Variants in OR51B5 observed in about 807,000 individuals in gnomAD.
The protein encoded by OR51B5 is olfactory receptor family 51 subfamily B member 5, also known as olfactory receptor 51B5.
For missense variants in OR51B5, 456 were observed against 374.6 expected, an observed-to-expected ratio of 1.22 and a Z score of -1.79; for synonymous variants, 186 against 144.8, an observed-to-expected ratio of 1.28 and a Z score of -2.04.
chr11:5,490,980 T>G (rs1245937865), intron 1 of OR51B5, among the ~76,000 whole-genome samples: 2 of 152,256 alleles, frequency 1.3e-5, no homozygotes, highest in African/African-American at 4.8e-5. Context: ...TTTATTTGCT[T>G]TTGAATTGAT....
intron 1 of OR51B5, among the ~76,000 whole-genome samples, chr11:5,485,904 C>G (rs1238523034): frequency 6.6e-6 from 1 of 152,038 alleles, no homozygotes; most frequent in Non-Finnish European, 1.5e-5. Context: ...ATGATAAGAT[C>G]TTTAAAGATG....
chr11:5,450,075 A>G (rs1850820572), intron 1 of OR51B5, among the ~76,000 whole-genome samples: 1 of 152,128 alleles, frequency 6.6e-6, no homozygotes, highest in African/African-American at 2.4e-5. Flanking sequence ...GCCATAAAGG[A>G]TCTCAGAGAA....
intron 1 of OR51B5, among the ~76,000 whole-genome samples, chr11:5,363,374 A>G (rs549399875): frequency 4.0e-4 from 57 of 143,086 alleles, no homozygotes; most frequent in Admixed American, 1.5e-3. Context: ...TTTTTACTTC[A>G]AGCTATGGTG....
At chr11:5,438,842 CA>C (rs1376790346) in intron 1 of OR51B5, among the ~76,000 whole-genome samples, 1 of 152,082 alleles carries the variant, frequency 6.6e-6, no homozygotes, top group Non-Finnish European at 1.5e-5. Flanking sequence ...AAACTTTTAA[CA>C]ATGGAGCAAA....
intron 1 of OR51B5, among the ~76,000 whole-genome samples, chr11:5,479,144 C>G (rs1447298503): frequency 6.7e-6 from 1 of 148,902 alleles, no homozygotes; most frequent in African/African-American, 2.5e-5. Context: ...GGAAGCCCAT[C>G]AGACTAACAG....
intron 1 of OR51B5, among the ~76,000 whole-genome samples, chr11:5,442,212 T>C (rs1850699647): frequency 6.6e-6 from 1 of 152,166 alleles, no homozygotes; most frequent in Non-Finnish European, 1.5e-5. Flanking sequence ...AACTGCAACC[T>C]TTAATAAATT....
chr11:5,456,353 A>G (rs568489107), intron 1 of OR51B5: 1 of 152,186 alleles, frequency 6.6e-6, no homozygotes, highest in Non-Finnish European at 1.5e-5. Flanking sequence ...GCACATTTAT[A>G]TTTTTCCCTC....
chr11:5,430,810 C>T (rs1322266220), intron 1 of OR51B5: 3 of 457,302 alleles, frequency 6.6e-6, no homozygotes, highest in Middle Eastern at 3.2e-4. Context: ...TTTGGCAGCA[C>T]GATGCATCAC....
chr11:5,362,182 G>A (rs1849294651), intron 1 of OR51B5, among the ~76,000 whole-genome samples: 1 of 152,170 alleles, frequency 6.6e-6, no homozygotes, highest in African/African-American at 2.4e-5. Flanking sequence ...TGCAGATTTT[G>A]AAGATCTCAA....
rs370964059 is a variant in OR51B5, at chr11:5,483,514, A to AAAAAGAAAAG, written n.84+22045_84+22054dup. Among the ~76,000 whole-genome samples the AAAAAGAAAAG allele has an allele frequency of 2.3e-3, 321 of 141,000 alleles. 3 individuals are homozygous for AAAAAGAAAAG. Among genetic ancestry groups the AAAAAGAAAAG allele is most frequent in the African/African-American group, 8.3e-3 (307 of 37,032 alleles). 92.5% of individuals were successfully genotyped at this position (141,000 alleles called of 152,430 possible). ...CTAAAACTTAAAGTATAATTAAAAA[A>AAAAAGAAAAG]AAAAGAAAAGAAAAGAAAAGAAAGA... On this transcript the variant is annotated intron_variant and non_coding_transcript_variant, in intron 1 of 4. Transcript: ENST00000415970.
intron 1 of OR51B5, among the ~76,000 whole-genome samples, chr11:5,437,801 T>C (rs1850612441): frequency 6.6e-6 from 1 of 152,204 alleles, no homozygotes; most frequent in South Asian, 2.1e-4. Context: ...CACCTGAACT[T>C]CCCATTAAAT....
chr11:5,483,390 G>C lies in OR51B5; in HGVS notation n.84+22179C>G, dbSNP rs567398905. On this transcript the variant is annotated intron_variant and non_coding_transcript_variant, in intron 1 of 4. Transcript: ENST00000415970. ...GGGGAGGGGGGAGGGATAGCATTGG[G>C]AGATATACCTAACGCTAGATGACGA... 7.9e-3 allele frequency among the ~76,000 whole-genome samples: 1,118 copies of C among 141,214 alleles called. 18 individuals are homozygous for C. Among genetic ancestry groups the C allele is most frequent in the Middle Eastern group, 0.018 (5 of 276 alleles). 92.6% of individuals were successfully genotyped at this position (141,214 alleles called of 152,430 possible). A position where few individuals can be genotyped will look rare whatever the true frequency, so the allele number is the denominator to read the frequency against.
intron 1 of OR51B5, chr11:5,352,598 A>G (rs1320943718): frequency 1.7e-6 from 1 of 606,006 alleles, no homozygotes; most frequent in East Asian, 2.7e-5. Context: ...TGCTACTTAG[A>G]ACATTATTTT....
chr11:5,495,117 A>G (rs1322506978), intron 1 of OR51B5, among the ~76,000 whole-genome samples: 1 of 152,208 alleles, frequency 6.6e-6, no homozygotes, highest in African/African-American at 2.4e-5. Context: ...TGGAGTCCAG[A>G]TGAGAGGTTC....
chr11:5,428,177 A>G (rs947043217), intron 1 of OR51B5, among the ~76,000 whole-genome samples: 2 of 152,198 alleles, frequency 1.3e-5, no homozygotes, highest in Non-Finnish European at 2.9e-5. Flanking sequence ...TCATAAAAAA[A>G]TTAAATATCA....
At chr11:5,453,720 C>T (rs1447928038) in intron 1 of OR51B5, 2 of 1,614,108 alleles carry the variant, frequency 1.2e-6, no homozygotes, top group Non-Finnish European at 8.5e-7. Flanking sequence ...CATGGCCACA[C>T]TGCCCACTGT....
In OR51B5 at chr11:5,398,042, G is replaced by A. The variant is rs369697630; in HGVS notation, n.85-51132C>T. ...CAGGAAGGGGAACATCACACACCGGGGCCTGTTGTGGGGTGGGAGGAGGGG... is the reference window on the plus strand; with the variant it reads ...CAGGAAGGGGAACATCACACACCGGAGCCTGTTGTGGGGTGGGAGGAGGGG... On this transcript the variant is annotated intron_variant and non_coding_transcript_variant, in intron 1 of 4. Coordinates refer to the OR51B5 transcript ENST00000415970. Among the ~76,000 whole-genome samples, 3 of 152,160 alleles carry A rather than the reference G, an allele frequency of 2.0e-5. No homozygotes were observed. The East Asian group carries it at 5.8e-4, about 29-fold the overall frequency.
intron 1 of OR51B5, among the ~76,000 whole-genome samples, chr11:5,502,780 G>A (rs1846314794): frequency 6.6e-6 from 1 of 152,148 alleles, no homozygotes; most frequent in African/African-American, 2.4e-5. Context: ...AGAAATAAAT[G>A]AATATATGCA....
At chr11:5,440,477 C>G (rs929382104) in intron 1 of OR51B5, 9 of 789,294 alleles carry the variant, frequency 1.1e-5, no homozygotes, top group South Asian at 6.9e-5. Flanking sequence ...TATCAAGATC[C>G]TGGGTCCTCT....
Sources: gnomAD v4.1 joint callset for allele counts (sites outside exome capture counted in the v4.1 genomes callset) on GRCh38, gnomAD v4.1.1 for gene constraint, MANE v1.5 for transcripts, NCBI Gene and HGNC (gene_info 2026-07-23, HGNC 2026-07-21) for gene names.